The following SAXO5 variants were observed in gnomAD, a reference collection of about 807,000 sequenced individuals.
The protein encoded by SAXO5 is testis expressed 45.
At chr19:7,500,468 A>AT in the SAXO5 span, among the ~76,000 whole-genome samples, 53,826 of 150,708 alleles carry the variant, frequency 0.36, 9,742 homozygotes, top group African/African-American at 0.37. Flanking sequence ...CTCCAGGCTA[A>AT]TTTTTTTTAA....
At chr19:7,504,117 T>G in the SAXO5 span, 2 of 1,588,006 alleles carry the variant, frequency 1.3e-6, no homozygotes, top group Admixed American at 1.7e-5. Flanking sequence ...TTGCCTATCC[T>G]AAGGGGGCCC....
chr19:7,506,643 TG>T, the SAXO5 span: 1 of 349,434 alleles, frequency 2.9e-6, no homozygotes, highest in South Asian at 2.3e-5. Context: ...GCCCTAGCTC[TG>T]GGTTCCTCCC....
the SAXO5 span, chr19:7,501,273 A>G: frequency 6.4e-7 from 1 of 1,573,184 alleles, no homozygotes; most frequent in Non-Finnish European, 8.5e-7. Flanking sequence ...CGCGCGCCTC[A>G]TCTTCGACCG....
the SAXO5 span, chr19:7,505,416 A>C: frequency 1.2e-6 from 2 of 1,614,154 alleles, no homozygotes; most frequent in Non-Finnish European, 1.7e-6. Context: ...AAGGCCGAGC[A>C]CTTCTATGCC....
chr19:7,506,027 AC>A, the SAXO5 span: 4 of 1,612,692 alleles, frequency 2.5e-6, no homozygotes, highest in African/African-American at 4.0e-5. Context: ...GAGTCATGTG[AC>A]CCTAGGGGAG....
the SAXO5 span, chr19:7,501,144 ATGCAGGCCGGCAACC>A: frequency 2.7e-6 from 4 of 1,509,388 alleles, no homozygotes; most frequent in Middle Eastern, 8.1e-4. Flanking sequence ...CACGCTCGCC[ATGCAGGCCGGCAACC>A]TGCACCTGCA....
At chr19:7,508,323 C>T in the SAXO5 span, 2 of 1,614,020 alleles carry the variant, frequency 1.2e-6, no homozygotes, top group Non-Finnish European at 1.7e-6. Flanking sequence ...GAAAAATCCT[C>T]AGGAGGGCTT....
At chr19:7,502,162 A>C in the SAXO5 span, among the ~76,000 whole-genome samples, 1 of 152,164 alleles carries the variant, frequency 6.6e-6, no homozygotes, top group Non-Finnish European at 1.5e-5. Flanking sequence ...GCTGGAGTGC[A>C]GTGGCATGAT....
chr19:7,497,923 G>A, the SAXO5 span, among the ~76,000 whole-genome samples: 1 of 151,990 alleles, frequency 6.6e-6, no homozygotes, highest in Non-Finnish European at 1.5e-5. Context: ...GGCCGAGGAG[G>A]GTGGATCACC....
the SAXO5 span, chr19:7,497,606 C>T: frequency 6.6e-6 from 1 of 152,172 alleles, no homozygotes; most frequent in Non-Finnish European, 1.5e-5. Flanking sequence ...AGACCAGGGA[C>T]AGAGGGAGAC....
chr19:7,505,969 A>ACC, the SAXO5 span: 69 of 1,576,470 alleles, frequency 4.4e-5, 1 homozygote, highest in South Asian at 7.7e-4. Flanking sequence ...TACAGCCGCC[A>ACC]CCCCCGACCC....
the SAXO5 span, chr19:7,499,966 G>GTGT: frequency 2.1e-5 from 2 of 96,598 alleles, no homozygotes; most frequent in Non-Finnish European, 5.1e-5. Flanking sequence ...GTGTGTGTGT[G>GTGT]GAGACGGGGT....
chr19:7,507,270 A>G, the SAXO5 span: 1 of 782,732 alleles, frequency 1.3e-6, no homozygotes, highest in East Asian at 2.7e-5. Context: ...GCATCTTAAT[A>G]TCCCTTCAGC....
chr19:7,504,308 C>T, the SAXO5 span: 5 of 1,614,186 alleles, frequency 3.1e-6, no homozygotes, highest in Admixed American at 1.7e-5. Context: ...TGTCTGCCCA[C>T]AGGCCTCCTC....
the SAXO5 span, among the ~76,000 whole-genome samples, chr19:7,502,476 G>C: frequency 8.5e-5 from 13 of 152,280 alleles, no homozygotes; most frequent in South Asian, 2.1e-4. Context: ...AGAGGCCAGA[G>C]ATGCTGCCAA....
the SAXO5 span, chr19:7,505,370 C>T: frequency 6.1e-5 from 98 of 1,614,124 alleles, no homozygotes; most frequent in Non-Finnish European, 7.8e-5. Context: ...TGTAAATATC[C>T]GTCCTGGTGA....
chr19:7,507,647 C>G, the SAXO5 span, among the ~76,000 whole-genome samples: 2 of 151,960 alleles, frequency 1.3e-5, no homozygotes, highest in Admixed American at 6.5e-5. Context: ...AAGGTCAGCT[C>G]AGGGGCATCT....
the SAXO5 span, among the ~76,000 whole-genome samples, chr19:7,503,058 T>C: frequency 7.9e-5 from 12 of 152,276 alleles, 1 homozygote; most frequent in African/African-American, 2.6e-4. Flanking sequence ...AGAGAAATGA[T>C]ACCAGGTCCA....
the SAXO5 span, chr19:7,505,548 G>A: frequency 7.4e-6 from 12 of 1,614,072 alleles, no homozygotes; most frequent in East Asian, 1.3e-4. Context: ...ATCAGACTCC[G>A]GAGTCGCACA....
Sources: allele counts gnomAD v4.1 joint callset (sites outside exome capture counted in the v4.1 genomes callset), GRCh38; gene constraint gnomAD v4.1.1; transcripts MANE v1.5; gene names NCBI Gene and HGNC (gene_info 2026-07-23, HGNC 2026-07-21).